Variants in NBEAL1 observed in about 807,000 individuals in gnomAD.
NBEAL1 encodes the protein neurobeachin like 1.
In NBEAL1, 273 loss-of-function variants were observed where a neutral mutation model predicts 351.3. The ratio of observed to expected loss-of-function variants is 0.78; its 90% CI spans 0.70 to 0.86. The LOEUF (loss-of-function observed/expected upper bound fraction) is 0.86, where lower values mean the gene tolerates loss of function less well. Among genes scored for constraint, NBEAL1 ranks in the 40% least tolerant of loss-of-function variants. The probability of loss-of-function intolerance (pLI) is 0.00; values close to 1 mark genes in which losing one functional copy is unlikely to be tolerated. For synonymous variants in NBEAL1, 1,050 were observed against 1,086.4 expected, an observed-to-expected ratio of 0.97 and a Z score of 0.66; for missense variants, 2,961 against 3,201.3, an observed-to-expected ratio of 0.92 and a Z score of 1.81.
At chr2:203,066,428 A>G (rs1452877491) in intron 6 of NBEAL1, among the ~76,000 whole-genome samples, 1 of 152,124 alleles carries the variant, frequency 6.6e-6, no homozygotes, top group Non-Finnish European at 1.5e-5. Context: ...CCAAGGCACA[A>G]GAATTTTTCT....
intron 21 of NBEAL1, 28 bp downstream of exon 21, chr2:203,126,121 T>C (rs2062931553): frequency 1.3e-6 from 2 of 1,505,576 alleles, no homozygotes; most frequent in Non-Finnish European, 1.8e-6. Flanking sequence ...TGTGTTGATG[T>C]AGCTAATAAT....
At chr2:203,137,131 G>A (rs891841543) in intron 29 of NBEAL1, among the ~76,000 whole-genome samples, 1 of 152,178 alleles carries the variant, frequency 6.6e-6, no homozygotes, top group African/African-American at 2.4e-5. Context: ...GGGTTTTCAT[G>A]ATAATTATTT....
At chr2:203,024,704 A>G (rs1299941514) in intron 2 of NBEAL1, among the ~76,000 whole-genome samples, 1 of 152,140 alleles carries the variant, frequency 6.6e-6, no homozygotes, top group African/African-American at 2.4e-5. Flanking sequence ...TCTACTAAAA[A>G]TACAAAAATT....
rs774771222 is a variant in NBEAL1 at position 203,138,183 on chromosome 2, A to G, written c.4587A>G (p.Glu1529=). The G allele has an allele frequency of 1.2e-6, 2 of 1,614,068 alleles. No individual in the cohort carries two copies. The highest frequency in any genetic ancestry group is 1.7e-5 in the Admixed American group (1 of 59,992). ...TTAGTTTGCTACAAAAGATGTTAGAATGGGCAATCTCAGAAAACAGAGAAG... is the reference window on the plus strand; with the variant it reads ...TTAGTTTGCTACAAAAGATGTTAGAGTGGGCAATCTCAGAAAACAGAGAAG... ...IKLTLLQKML[E]WAISENREAK... The change falls in exon 30 of 56, where the codon GAA becomes GAG. Residue 1529 remains glutamate, a synonymous_variant. Coordinates refer to ENST00000683969, the MANE Select transcript of NBEAL1 (RefSeq NM_001378026.1).
intron 6 of NBEAL1, 124 bp from the exon 7 acceptor site, chr2:203,068,269 A>C: frequency 3.0e-5 from 14 of 470,992 alleles, no homozygotes; most frequent in African/African-American, 4.0e-5. Flanking sequence ...TGCGGATCCT[A>C]GAGATACATA....
At chr2:203,172,073 AAAT>A in intron 40 of NBEAL1, 50 bp downstream of exon 40, 1 of 1,082,738 alleles carries the variant, frequency 9.2e-7, no homozygotes, top group Non-Finnish European at 1.3e-6. Flanking sequence ...ACAGTTTTAT[AAAT>A]CACATAAGTA....
intron 33 of NBEAL1, among the ~76,000 whole-genome samples, chr2:203,146,501 TA>T (rs1326807570): frequency 6.6e-6 from 1 of 152,040 alleles, no homozygotes; most frequent in Non-Finnish European, 1.5e-5. Context: ...ATTTTTAAAA[TA>T]ATACATTAGA....
chr2:203,162,215 G>A (rs1357705143), intron 36 of NBEAL1, among the ~76,000 whole-genome samples: 3 of 151,222 alleles, frequency 2.0e-5, no homozygotes, highest in Non-Finnish European at 4.4e-5. Flanking sequence ...TGTAGAGATG[G>A]GTTTCACCGT....
chr2:203,129,719 G>A (rs1284312160), intron 24 of NBEAL1, among the ~76,000 whole-genome samples: 1 of 152,176 alleles, frequency 6.6e-6, no homozygotes, highest in Non-Finnish European at 1.5e-5. Flanking sequence ...CTGTAAGAGA[G>A]ATACAAAGTT....
intron 1 of NBEAL1, among the ~76,000 whole-genome samples, chr2:203,015,602 A>G (rs999315713): frequency 6.6e-6 from 1 of 152,060 alleles, no homozygotes; most frequent in African/African-American, 2.4e-5. Context: ...CTGGGATTAC[A>G]GGTGCCCGCC....
Position 203,070,112 on chromosome 2 carries a change from A to G in NBEAL1, c.598+1637A>G, listed in dbSNP as rs568389663. 5.1e-4 allele frequency among the ~76,000 whole-genome samples: 78 copies of G among 152,316 alleles called. 1 individual carries two copies. Among genetic ancestry groups the G allele is most frequent in the Middle Eastern group, 6.8e-3 (2 of 294 alleles). ...AAATATGATATTAGCTGTGTTTTTA[A>G]AAATAGATGCCCTTTATTAAGTAGA... On this transcript the variant is annotated intron_variant, in intron 7 of 55. Transcript: ENST00000683969.
In NBEAL1 at chr2:203,107,701, T is replaced by G. The variant is rs745776175; in HGVS notation, c.1462T>G (p.Ser488Ala). ...LLIQWLPELQ[S>A]HDLQIFISDW... is the part of the protein sequence containing the mutation. ...TATCCAGTGGCTTCCAGAACTACAA[T>G]CCCATGACCTGCAAATCTTCATCTC... is the stretch of plus-strand genomic sequence containing the variant. Residue 488 changes from serine (S) to alanine (A), a missense_variant, in exon 14 of 56, where the codon TCC becomes GCC. Physicochemically the swap from Ser to Ala is moderately conservative, Grantham distance 99. Coordinates refer to ENST00000683969, the MANE Select transcript of NBEAL1 (RefSeq NM_001378026.1). 76 of 1,553,174 alleles carry G rather than the reference T, an allele frequency of 4.9e-5. No individual in the cohort carries two copies. The highest frequency in any genetic ancestry group is 6.4e-5 in the Non-Finnish European group (74 of 1,147,400).
chr2:203,047,762 G>A (rs1254969897), intron 3 of NBEAL1, among the ~76,000 whole-genome samples: 2 of 96,656 alleles, frequency 2.1e-5, no homozygotes, highest in African/African-American at 7.8e-5. Context: ...TTTTTTTTTT[G>A]AGAGATGGTC....
At chr2:203,110,119 T>C (rs2062531728) in intron 14 of NBEAL1, 31 bp from the exon 15 acceptor site, 2 of 1,535,002 alleles carry the variant, frequency 1.3e-6, no homozygotes, top group Non-Finnish European at 1.8e-6. Context: ...CAACCAACTT[T>C]AAAAGTTCTG....
intron 2 of NBEAL1, 115 bp downstream of exon 2, chr2:203,016,550 C>T: frequency 1.7e-6 from 1 of 596,842 alleles, no homozygotes; most frequent in Non-Finnish European, 2.6e-6. Context: ...TAATGAATAA[C>T]CCCAAACTTA....
intron 4 of NBEAL1, among the ~76,000 whole-genome samples, chr2:203,051,784 A>G (rs2061327983): frequency 6.6e-6 from 1 of 152,156 alleles, no homozygotes; most frequent in Admixed American, 6.5e-5. Flanking sequence ...ATAGTTTCTT[A>G]TGATAAATTT....
Position 203,118,577 on chromosome 2 carries a change from G to A in NBEAL1, c.2592+2507G>A, listed in dbSNP as rs1225641726. On this transcript the variant is annotated intron_variant, in intron 18 of 55. Coordinates refer to ENST00000683969, the MANE Select transcript of NBEAL1 (RefSeq NM_001378026.1). Reference sequence around the variant, plus strand: ...AACAGTATATTTAGTGGCAAGTTCTGGATGTGTGACAGCCAACTTTTTTTT... The same window carrying A: ...AACAGTATATTTAGTGGCAAGTTCTAGATGTGTGACAGCCAACTTTTTTTT... Among the ~76,000 whole-genome samples, 37 of 150,928 alleles carry A rather than the reference G, an allele frequency of 2.5e-4. No homozygotes were observed. In the Admixed American group the frequency reaches 2.5e-3, roughly 10 times the overall value.
At chr2:203,094,985 G>A (rs532537387) in intron 10 of NBEAL1, among the ~76,000 whole-genome samples, 106 of 152,042 alleles carry the variant, frequency 7.0e-4, no homozygotes, top group African/African-American at 2.5e-3. Context: ...TTAGCCAGGC[G>A]TGGTGGCGCA....
chr2:203,187,204 G>A (rs527277144), intron 44 of NBEAL1, among the ~76,000 whole-genome samples: 3 of 151,732 alleles, frequency 2.0e-5, no homozygotes, highest in African/African-American at 7.3e-5. Context: ...AGCTGGGACT[G>A]TAGGTGCAAT....
Sources: allele counts gnomAD v4.1 joint callset (sites outside exome capture counted in the v4.1 genomes callset), GRCh38; gene constraint gnomAD v4.1.1; transcripts MANE v1.5; gene names NCBI Gene and HGNC (gene_info 2026-07-23, HGNC 2026-07-21).